The following ST6GALNAC3 variants were observed in gnomAD, a reference collection of about 807,000 sequenced individuals.
ST6GALNAC3 encodes ST6 N-acetylgalactosaminide alpha-2,6-sialyltransferase 3, also known as alpha-N-acetylgalactosaminide alpha-2,6-sialyltransferase 3.
A neutral mutation model predicts 32.7 loss-of-function variants in ST6GALNAC3; 25 were observed. The observed-to-expected ratio is 0.76, with a 90% confidence interval of 0.56 to 1.07. ST6GALNAC3 has a LOEUF of 1.07. Ranked by LOEUF, ST6GALNAC3 falls within the 50% of genes least tolerant of loss-of-function variation. The pLI, the probability that ST6GALNAC3 is intolerant of heterozygous loss-of-function variation, is 0.00. For missense variants in ST6GALNAC3, 355 were observed against 382.4 expected (o/e 0.93, Z 0.60); for synonymous variants, 129 against 133.1 (o/e 0.97, Z 0.21).
At chr1:76,133,574 A>G (rs1487711404) in intron 1 of ST6GALNAC3, among the ~76,000 whole-genome samples, 2 of 152,364 alleles carry the variant, frequency 1.3e-5, no homozygotes, top group African/African-American at 4.8e-5. Context: ...AGAGTGGCCA[A>G]AATTTCTGCC....
At chr1:76,530,467 A>G (rs894542347) in intron 3 of ST6GALNAC3, among the ~76,000 whole-genome samples, 1 of 152,202 alleles carries the variant, frequency 6.6e-6, no homozygotes, top group Non-Finnish European at 1.5e-5. Flanking sequence ...CCACATGAAG[A>G]AAGTCCAGCT....
chr1:76,593,009 G>A (rs201291688), intron 3 of ST6GALNAC3, among the ~76,000 whole-genome samples: 1 of 148,822 alleles, frequency 6.7e-6, no homozygotes, highest in Non-Finnish European at 1.5e-5. Flanking sequence ...TTTTTTTTTT[G>A]TTTAATGTAT....
intron 1 of ST6GALNAC3, among the ~76,000 whole-genome samples, chr1:76,267,711 C>T (rs1023070023): frequency 1.3e-5 from 2 of 152,134 alleles, no homozygotes; most frequent in South Asian, 2.1e-4. Flanking sequence ...GTGTAATAGG[C>T]AAATGAAGGG....
At chr1:76,288,100 A>G (rs191692735) in intron 1 of ST6GALNAC3, among the ~76,000 whole-genome samples, 5 of 152,332 alleles carry the variant, frequency 3.3e-5, no homozygotes, top group Admixed American at 2.6e-4. Flanking sequence ...CTAAGAGGCC[A>G]GACTCTTCTG....
In ST6GALNAC3 at chr1:76,328,711, G is replaced by A. The variant is rs1018829260; in HGVS notation, c.213+14712G>A. Among the ~76,000 whole-genome samples, 4 of 152,146 alleles carry A rather than the reference G, an allele frequency of 2.6e-5. No individual in the cohort carries two copies. In the East Asian group the frequency reaches 7.7e-4, roughly 29 times the overall value. ...CCAAATTAAAGAACTAGGGGATATGGTAATATATGCTCTCAATTTTGAATT... is the reference window on the plus strand; with the variant it reads ...CCAAATTAAAGAACTAGGGGATATGATAATATATGCTCTCAATTTTGAATT... On this transcript the variant is annotated intron_variant, in intron 2 of 4. Transcript: ENST00000328299.
chr1:76,366,809 G>A (rs959700706), intron 2 of ST6GALNAC3, among the ~76,000 whole-genome samples: 1 of 152,174 alleles, frequency 6.6e-6, no homozygotes, highest in Non-Finnish European at 1.5e-5. Context: ...CCAGCACTTT[G>A]CAGGGAAAAT....
At chr1:76,341,240 A>G (rs114849130) in intron 2 of ST6GALNAC3, among the ~76,000 whole-genome samples, 1 of 151,564 alleles carries the variant, frequency 6.6e-6, no homozygotes, top group Non-Finnish European at 1.5e-5. Flanking sequence ...GCAGTGTCTA[A>G]TGTCCCCATC....
chr1:76,126,663 T>G (rs1649274571), intron 1 of ST6GALNAC3, among the ~76,000 whole-genome samples: 1 of 152,124 alleles, frequency 6.6e-6, no homozygotes. Flanking sequence ...TAAGTTTGAG[T>G]CCCAGCTCTC....
At chr1:76,261,003 CA>C (rs1658200792) in intron 1 of ST6GALNAC3, among the ~76,000 whole-genome samples, 1 of 151,840 alleles carries the variant, frequency 6.6e-6, no homozygotes, top group African/African-American at 2.4e-5. Context: ...CACACACACA[CA>C]CACACACGCT....
chr1:76,452,398 G>A (rs1046880437), intron 3 of ST6GALNAC3, among the ~76,000 whole-genome samples: 2 of 152,148 alleles, frequency 1.3e-5, no homozygotes, highest in African/African-American at 2.4e-5. Flanking sequence ...GTCTTTATCA[G>A]CAGTGTGAAA....
chr1:76,513,259 G>A (rs1204492953), intron 3 of ST6GALNAC3, among the ~76,000 whole-genome samples: 2 of 152,094 alleles, frequency 1.3e-5, no homozygotes, highest in Non-Finnish European at 2.9e-5. Context: ...TAGTTTCATA[G>A]TTATAGACTT....
intron 3 of ST6GALNAC3, among the ~76,000 whole-genome samples, chr1:76,582,292 T>C (rs4307606): frequency 0.2 from 31,048 of 152,042 alleles, 3,297 homozygotes; most frequent in Middle Eastern, 0.27. Flanking sequence ...GAGTTGTGCC[T>C]CCCACAGGCA....
chr1:76,283,769 A>G (rs1659626957), intron 1 of ST6GALNAC3, among the ~76,000 whole-genome samples: 1 of 152,198 alleles, frequency 6.6e-6, no homozygotes, highest in Non-Finnish European at 1.5e-5. Flanking sequence ...ACAGGCATCA[A>G]CTTTAGTGTT....
chr1:76,319,188 G>A (rs1646922153), intron 2 of ST6GALNAC3, among the ~76,000 whole-genome samples: 1 of 152,130 alleles, frequency 6.6e-6, no homozygotes, highest in African/African-American at 2.4e-5. Flanking sequence ...GGCTACAGAG[G>A]ATTTCTGGTA....
chr1:76,247,021 C>A (rs1657301570), intron 1 of ST6GALNAC3, among the ~76,000 whole-genome samples: 1 of 152,142 alleles, frequency 6.6e-6, no homozygotes, highest in East Asian at 1.9e-4. Context: ...GTTGTTGTTG[C>A]TTTCTGTTTG....
intron 2 of ST6GALNAC3, among the ~76,000 whole-genome samples, chr1:76,359,797 G>C (rs1649784023): frequency 6.6e-6 from 1 of 152,156 alleles, no homozygotes; most frequent in Admixed American, 6.5e-5. Flanking sequence ...AAAGATTAGA[G>C]AACTAATTTG....
intron 1 of ST6GALNAC3, among the ~76,000 whole-genome samples, chr1:76,300,056 T>A (rs1021750552): frequency 3.3e-5 from 5 of 152,014 alleles, no homozygotes; most frequent in Admixed American, 3.3e-4. Flanking sequence ...ATTGGGAGAC[T>A]GAACCTGATC....
intron 1 of ST6GALNAC3, among the ~76,000 whole-genome samples, chr1:76,103,475 G>A (rs911807549): frequency 6.6e-6 from 1 of 152,114 alleles, no homozygotes; most frequent in East Asian, 1.9e-4. Context: ...CCTTTATTAA[G>A]TTATTAATTT....
chr1:76,223,414 G>A (rs1655891321), intron 1 of ST6GALNAC3, among the ~76,000 whole-genome samples: 1 of 152,096 alleles, frequency 6.6e-6, no homozygotes, highest in Admixed American at 6.6e-5. Context: ...GTGGAAGGTG[G>A]GAGGAGAGAG....
Sources: allele counts gnomAD v4.1 joint callset (sites outside exome capture counted in the v4.1 genomes callset), GRCh38; gene constraint gnomAD v4.1.1; transcripts MANE v1.5; gene names NCBI Gene and HGNC (gene_info 2026-07-23, HGNC 2026-07-21).